FLT1: variants seen among roughly 807,000 people sequenced by gnomAD.
FLT1 encodes vascular endothelial growth factor receptor 1.
In FLT1, 49 loss-of-function variants were observed where a neutral mutation model predicts 156.3. The observed-to-expected ratio is 0.31, with a 90% CI of 0.25 to 0.40. The LOEUF (loss-of-function observed/expected upper bound fraction) is 0.40. Ranked by LOEUF, FLT1 falls within the 10% of genes least tolerant of loss-of-function variation. The pLI, the probability that FLT1 is intolerant of heterozygous loss-of-function variation, is 1.00. For missense variants in FLT1, 1,322 were observed against 1,637.2 expected (o/e 0.81, Z 3.32); for synonymous variants, 594 against 583.8 (o/e 1.02, Z -0.25).
intron 16 of FLT1, 72 bp from the exon 17 acceptor site, chr13:28,339,372 T>G: frequency 6.6e-7 from 1 of 1,517,706 alleles, no homozygotes; most frequent in Non-Finnish European, 9.0e-7. Context: ...TCCGTTAACA[T>G]CCACTGTTTT....
At chr13:28,392,042 C>T (rs559869809) in intron 12 of FLT1, among the ~76,000 whole-genome samples, 35 of 152,282 alleles carry the variant, frequency 2.3e-4, no homozygotes, top group South Asian at 8.3e-4. Flanking sequence ...AACCTTTAAA[C>T]GTTAAGGGGA....
chr13:28,320,120 A>G (rs1403087497), intron 23 of FLT1, among the ~76,000 whole-genome samples: 1 of 152,164 alleles, frequency 6.6e-6, no homozygotes, highest in Non-Finnish European at 1.5e-5. Context: ...CCAGTGAGTT[A>G]GGCCTCACCA....
intron 6 of FLT1, among the ~76,000 whole-genome samples, chr13:28,432,100 A>G (rs1877718217): frequency 6.6e-6 from 1 of 151,938 alleles, no homozygotes; most frequent in East Asian, 1.9e-4. Flanking sequence ...ACAAGATCAC[A>G]TTGCCGTCTC....
chr13:28,384,623 T>C (rs1241614724), intron 14 of FLT1, among the ~76,000 whole-genome samples: 1 of 152,196 alleles, frequency 6.6e-6, no homozygotes, highest in Non-Finnish European at 1.5e-5. Context: ...TCTTCTCATT[T>C]CTTTCTGAAT....
At chr13:28,485,587 C>G (rs1370030533) in intron 1 of FLT1, among the ~76,000 whole-genome samples, 5 of 152,132 alleles carry the variant, frequency 3.3e-5, no homozygotes, top group Non-Finnish European at 7.4e-5. Context: ...AATAGCTAGA[C>G]TGAAAAGCAA....
chr13:28,427,153 C>T lies in FLT1; in HGVS notation c.1436+6G>A, dbSNP rs199554106. On this transcript the variant is annotated splice_donor_region_variant and intron_variant, in intron 10 of 29. Coordinates refer to ENST00000282397, the MANE Select transcript of FLT1 (RefSeq NM_002019.4). ...GAAAGTTAGTAAAAAAACTGACTGT[C>T]CCTACCTTGCTTCGGAATGATTATG... 6.4e-5 allele frequency: 104 copies of T among 1,613,630 alleles called. 2 individuals are homozygous for T. The East Asian group carries it at 2.3e-3, about 35-fold the overall frequency.
chr13:28,486,349 A>G (rs1412832684), intron 1 of FLT1, among the ~76,000 whole-genome samples: 1 of 152,212 alleles, frequency 6.6e-6, no homozygotes, highest in Non-Finnish European at 1.5e-5. Context: ...CATGAAAGTT[A>G]GGAGGCCACC....
In FLT1 at chr13:28,429,130, T is replaced by C. The variant is rs1488423667; in HGVS notation, c.1106+920A>G. On this transcript the variant is annotated intron_variant, in intron 8 of 29. Coordinates refer to ENST00000282397, the MANE Select transcript of FLT1 (RefSeq NM_002019.4). ...CCTAAAAATTTACTACTAAACGTTT[T>C]TGATATTCTGAAGCAAAAAAGATCA... Among the ~76,000 whole-genome samples, 10 of 152,288 alleles carry C rather than the reference T, an allele frequency of 6.6e-5. No individual in the cohort carries two copies. In the East Asian group the frequency reaches 1.9e-3, roughly 29 times the overall value.
intron 1 of FLT1, among the ~76,000 whole-genome samples, chr13:28,472,739 G>A (rs1445780860): frequency 6.6e-6 from 1 of 152,084 alleles, no homozygotes; most frequent in Non-Finnish European, 1.5e-5. Flanking sequence ...TTCTGTTGTG[G>A]CCATGGGCGG....
chr13:28,327,956 C>T (rs1183721064), intron 19 of FLT1, among the ~76,000 whole-genome samples: 1 of 152,176 alleles, frequency 6.6e-6, no homozygotes, highest in Non-Finnish European at 1.5e-5. Flanking sequence ...TCCTCCCTCC[C>T]TACCACGACA....
intron 13 of FLT1, chr13:28,388,336 T>C: frequency 9.5e-7 from 1 of 1,057,784 alleles, no homozygotes; most frequent in East Asian, 5.2e-5. Flanking sequence ...CAGAATCTGT[T>C]ACCTAAAGGA....
intron 15 of FLT1, among the ~76,000 whole-genome samples, chr13:28,355,745 A>C (rs1872875467): frequency 6.6e-6 from 1 of 152,208 alleles, no homozygotes. Flanking sequence ...ACTCTAATCC[A>C]ATCTGGAAGG....
At chr13:28,438,789 G>A (rs1025918924) in intron 3 of FLT1, among the ~76,000 whole-genome samples, 3 of 152,160 alleles carry the variant, frequency 2.0e-5, no homozygotes, top group South Asian at 4.1e-4. Flanking sequence ...AGAATTCAAG[G>A]TGATGCAGAA....
chr13:28,444,180 G>T (rs1653534164), intron 3 of FLT1, among the ~76,000 whole-genome samples: 2 of 152,176 alleles, frequency 1.3e-5, no homozygotes, highest in Admixed American at 1.3e-4. Flanking sequence ...AGTGGCTCAT[G>T]TCTGTAATCC....
chr13:28,317,367 C>G (rs1871251101), intron 25 of FLT1, 131 bp downstream of exon 25: 1 of 737,640 alleles, frequency 1.4e-6, no homozygotes, highest in Admixed American at 2.0e-5. Flanking sequence ...AGGGGAGCAT[C>G]TCTAAAGGAA....
chr13:28,363,032 A>G (rs1039686469), intron 14 of FLT1, among the ~76,000 whole-genome samples: 1 of 152,128 alleles, frequency 6.6e-6, no homozygotes, highest in East Asian at 1.9e-4. Context: ...GAAAATAAGC[A>G]TGTTATTACC....
Position 28,311,973 on chromosome 13 carries a change from G to T in FLT1, c.3492+20C>A, listed in dbSNP as rs1369093288. ...GACGTACATTCAAAGGCATTTTGAT[G>T]TAAATAAATTTAGTTTTACCTGTTG... On this transcript the variant is annotated intron_variant, in intron 26 of 29. Transcript: ENST00000282397. 6.7e-7 allele frequency: 1 copy of T among 1,497,468 alleles called. No individual in the cohort carries two copies. Among genetic ancestry groups the T allele is most frequent in the East Asian group, 2.3e-5 (1 of 44,344 alleles). 92.8% of individuals were successfully genotyped at this position (1,497,468 alleles called of 1,614,324 possible).
At chr13:28,493,065 A>G (rs1881556669) in intron 1 of FLT1, among the ~76,000 whole-genome samples, 2 of 152,226 alleles carry the variant, frequency 1.3e-5, no homozygotes, top group Admixed American at 6.5e-5. Context: ...CTGATCTAAG[A>G]TGCTTCCAAT....
intron 10 of FLT1, among the ~76,000 whole-genome samples, chr13:28,421,853 C>A (rs1392796315): frequency 6.6e-6 from 1 of 152,112 alleles, no homozygotes; most frequent in Non-Finnish European, 1.5e-5. Context: ...GAAGCACGAC[C>A]ATTGCCATTT....
Sources: gnomAD v4.1 joint callset for allele counts (sites outside exome capture counted in the v4.1 genomes callset) on GRCh38, gnomAD v4.1.1 for gene constraint, MANE v1.5 for transcripts, NCBI Gene and HGNC (gene_info 2026-07-23, HGNC 2026-07-21) for gene names.